The following MUL1 variants were observed in gnomAD, a reference collection of about 807,000 sequenced individuals.
MUL1 encodes mitochondrial ubiquitin ligase activator of NFKB 1.
Under a neutral mutation model 34.1 loss-of-function variants are expected in MUL1, and 30 were observed. That is an observed-to-expected ratio of 0.88 (90% CI 0.66 to 1.19). The LOEUF is 1.19. Among genes scored for constraint, MUL1 ranks in the 50% most tolerant of loss-of-function variants. MUL1 has a pLI of 0.00. For synonymous variants in MUL1, 191 were observed against 187.8 expected, an observed-to-expected ratio of 1.02 and a Z score of -0.14; for missense variants, 419 against 450.5, an observed-to-expected ratio of 0.93 and a Z score of 0.63.
chr1:20,502,324 G>T, intron 2 of MUL1, 135 bp from the exon 3 acceptor site: 1 of 1,171,764 alleles, frequency 8.5e-7, no homozygotes, highest in Non-Finnish European at 1.2e-6. Flanking sequence ...CAAGTCAGAA[G>T]GATCACTTGG....
chr1:20,506,950 G>C (rs566502531), intron 1 of MUL1, among the ~76,000 whole-genome samples: 9 of 152,236 alleles, frequency 5.9e-5, no homozygotes, highest in African/African-American at 1.7e-4. Flanking sequence ...AATGTGGCTG[G>C]GCGCAGTGGC....
In MUL1 at chr1:20,500,878, T is replaced by C. The variant is rs1340388069; in HGVS notation, c.871A>G (p.Lys291Glu). The C allele has an allele frequency of 6.2e-7, 1 of 1,614,028 alleles. No homozygotes were observed. The highest frequency in any genetic ancestry group is 2.2e-5 in the East Asian group (1 of 44,878). The change falls in exon 4 of 4, where the codon AAG (lysine) becomes GAG (glutamate). Residue 291 changes from lysine to glutamate, a missense_variant. Lys to Glu is a moderately conservative substitution (Grantham distance 56). Transcript: ENST00000264198. ...TTCAGACTCTCCCTGTCCTCAGGCT[T>C]GGCTCGGCTCAGCAGCTGGGCCTCA... Reference protein sequence around the residue: ...EHEAQLLSRAKPEDRESLKSA... With the variant: ...EHEAQLLSRAEPEDRESLKSA...
chr1:20,504,082 C>T (rs939650028), intron 1 of MUL1, among the ~76,000 whole-genome samples: 1 of 152,088 alleles, frequency 6.6e-6, no homozygotes, highest in African/African-American at 2.4e-5. Context: ...GTTGCCCAGG[C>T]TGGTGTTGAG....
chr1:20,500,392 T>C lies in MUL1; in HGVS notation c.*298A>G, dbSNP rs115055271. Reference sequence around the variant, plus strand: ...CTGATCACTGGCTTTGGTGCTTAAGTGATGAGGCATTTTCAGTCACACTCG... The same window carrying C: ...CTGATCACTGGCTTTGGTGCTTAAGCGATGAGGCATTTTCAGTCACACTCG... On this transcript the variant is annotated 3_prime_UTR_variant, in exon 4 of 4. Transcript: ENST00000264198. 8.6e-3 allele frequency: 2,292 copies of C among 265,024 alleles called. 49 individuals carry two copies. Among genetic ancestry groups the C allele is most frequent in the African/African-American group, 0.046 (2,095 of 45,860 alleles). The allele number at this position is 265,024 out of a possible 1,614,324, so 16.4% of individuals were successfully genotyped here.
chr1:20,504,673 T>C (rs916828284), intron 1 of MUL1, among the ~76,000 whole-genome samples: 1 of 152,220 alleles, frequency 6.6e-6, no homozygotes, highest in Non-Finnish European at 1.5e-5. Flanking sequence ...TGTTAAACTC[T>C]AGGAGGGCTT....
At chr1:20,503,407 G>A (rs559483447) in intron 1 of MUL1, 98 bp from the exon 2 acceptor site, 64 of 694,182 alleles carry the variant, frequency 9.2e-5, no homozygotes, top group South Asian at 3.0e-4. Context: ...TATTTTTTTC[G>A]TGTCAAGAGA....
intron 2 of MUL1, 121 bp from the exon 3 acceptor site, chr1:20,502,310 A>G: frequency 7.3e-7 from 1 of 1,364,804 alleles, no homozygotes. Flanking sequence ...ACACTTTGGG[A>G]AGCCAAGTCA....
At position 20,505,042 on chromosome 1, in the gene MUL1, G is replaced by T. The variant is rs112790628; in HGVS notation, c.121-1733C>A. ...AGAAAGATCTGGAGTTTAATCTAGC[G>T]CCAATGCATCCACTGTGACTTGGGA... On this transcript the variant is annotated intron_variant, in intron 1 of 3. Transcript: ENST00000264198. Among the ~76,000 whole-genome samples the T allele has an allele frequency of 2.4e-3, 361 of 152,268 alleles. 2 individuals carry two copies. The highest frequency in any genetic ancestry group is 8.1e-3 in the African/African-American group (336 of 41,550).
chr1:20,507,733 G>A (rs900456407), intron 1 of MUL1, among the ~76,000 whole-genome samples, 172 bp downstream of exon 1: 12 of 152,218 alleles, frequency 7.9e-5, no homozygotes, highest in African/African-American at 2.9e-4. Flanking sequence ...CCGTTATCCC[G>A]AGCCCGAATC....
chr1:20,505,064 G>T (rs976489998), intron 1 of MUL1, among the ~76,000 whole-genome samples: 1 of 152,140 alleles, frequency 6.6e-6, no homozygotes, highest in East Asian at 1.9e-4. Context: ...ACTGTGACTT[G>T]GGACAACTTC....
At chr1:20,504,652 C>T (rs2051695455) in intron 1 of MUL1, among the ~76,000 whole-genome samples, 2 of 152,222 alleles carry the variant, frequency 1.3e-5, no homozygotes, top group South Asian at 2.1e-4. Context: ...ATCTGTCTCC[C>T]TCCACTAGAA....
In MUL1 at chr1:20,500,806, G is replaced by C; in HGVS notation, c.943C>G (p.Leu315Val). The C allele has an allele frequency of 6.2e-7, 1 of 1,614,192 alleles. No homozygotes were observed. Among genetic ancestry groups the C allele is most frequent in the South Asian group, 1.1e-5 (1 of 91,074 alleles). ...CAGGAACAAACGTGCCCACACTCCA[G>C]AAAGACGCAGGACTTGAAGCTGCTC... Reference protein sequence around the residue: ...CLSSFKSCVFLECGHVCSCTE... With the variant: ...CLSSFKSCVFVECGHVCSCTE... Residue 315 changes from leucine to valine, a missense_variant, in exon 4 of 4, where the codon CTG becomes GTG. Leu to Val is a conservative substitution (Grantham distance 32). Transcript: ENST00000264198.
rs758270978 is a variant in MUL1, at chr1:20,500,897, G to A, written c.852C>T (p.Ala284=). Residue 284 remains alanine (A), a synonymous_variant, in exon 4 of 4, where the codon GCC becomes GCT. Coordinates refer to ENST00000264198, the MANE Select transcript of MUL1 (RefSeq NM_024544.3). ...QMQEEFQEHE[A]QLLSRAKPED... ...CAGGCTTGGCTCGGCTCAGCAGCTG[G>A]GCCTCATGCTCCTGGAACTCCTCCT... 31 of 1,614,014 alleles carry A rather than the reference G, an allele frequency of 1.9e-5. No homozygotes were observed. The highest frequency in any genetic ancestry group is 2.4e-5 in the Non-Finnish European group (28 of 1,180,006).
Position 20,508,013 on chromosome 1 carries a change from T to G in MUL1, c.12A>C (p.Gly4=). Residue 4 remains glycine (G), a synonymous_variant, in exon 1 of 4, where the codon GGA becomes GGC. Transcript: ENST00000264198. The part of the protein sequence containing the change: MES[G]GRPSLCQFIL... ...TGAACTGGCACAGCGAGGGCCGCCC[T>G]CCGCTCTCCATGACGGCGGCGAGCC... 3.2e-6 allele frequency: 5 copies of G among 1,584,794 alleles called. No individual in the cohort carries two copies. The highest frequency in any genetic ancestry group is 4.3e-6 in the Non-Finnish European group (5 of 1,167,036).
Position 20,508,013 on chromosome 1 carries a change from T to C in MUL1, c.12A>G (p.Gly4=), listed in dbSNP as rs1384069862. 1.3e-6 allele frequency: 2 copies of C among 1,584,676 alleles called. No individual in the cohort carries two copies. The highest frequency in any genetic ancestry group is 1.3e-5 in the African/African-American group (1 of 74,734). The change falls in exon 1 of 4, where the codon GGA becomes GGG. Residue 4 remains glycine, a synonymous_variant. Transcript: ENST00000264198. MES[G]GRPSLCQFIL... ...TGAACTGGCACAGCGAGGGCCGCCC[T>C]CCGCTCTCCATGACGGCGGCGAGCC...
intron 1 of MUL1, among the ~76,000 whole-genome samples, chr1:20,507,456 T>G (rs572517646): frequency 6.6e-6 from 1 of 152,290 alleles, no homozygotes; most frequent in East Asian, 1.9e-4. Flanking sequence ...TTATTTAAGA[T>G]AGGAGATCCC....
Position 20,502,560 on chromosome 1 carries a change from G to A in MUL1, c.209-371C>T, listed in dbSNP as rs112530980. 2.3e-3 allele frequency among the ~76,000 whole-genome samples: 347 copies of A among 152,302 alleles called. 2 individuals carry two copies. Among genetic ancestry groups the A allele is most frequent in the African/African-American group, 7.7e-3 (322 of 41,572 alleles). On this transcript the variant is annotated intron_variant, in intron 2 of 3. Coordinates refer to ENST00000264198, the MANE Select transcript of MUL1 (RefSeq NM_024544.3). Reference sequence around the variant, plus strand: ...GAGCCAAGACTCTATTTGAGACGGAGTCTCACTCTGTTACCCAGGCTGGAG... The same window carrying A: ...GAGCCAAGACTCTATTTGAGACGGAATCTCACTCTGTTACCCAGGCTGGAG...
At chr1:20,504,671 T>C (rs2051695750) in intron 1 of MUL1, among the ~76,000 whole-genome samples, 1 of 152,222 alleles carries the variant, frequency 6.6e-6, no homozygotes, top group African/African-American at 2.4e-5. Context: ...AATGTTAAAC[T>C]CTAGGAGGGC....
Position 20,500,933 on chromosome 1 carries a change from G to A in MUL1, c.816C>T (p.Leu272=), listed in dbSNP as rs2051651550. The change falls in exon 4 of 4, where the codon CTC becomes CTT. Residue 272 remains leucine, a synonymous_variant. Coordinates refer to ENST00000264198, the MANE Select transcript of MUL1 (RefSeq NM_024544.3). ...QYLQRQERLR[L]KQMQEEFQEH... is the part of the protein sequence containing the mutation. Reference sequence around the variant, plus strand: ...CCTGGAACTCCTCCTGCATCTGCTTGAGGCGCAGGCGCTCCTGCCGCTGCA... The same window carrying A: ...CCTGGAACTCCTCCTGCATCTGCTTAAGGCGCAGGCGCTCCTGCCGCTGCA... 1 of 1,614,060 alleles carries A rather than the reference G, an allele frequency of 6.2e-7. No individual in the cohort carries two copies. Among genetic ancestry groups the A allele is most frequent in the South Asian group, 1.1e-5 (1 of 91,084 alleles).
Sources: gnomAD v4.1 joint callset for allele counts (sites outside exome capture counted in the v4.1 genomes callset) on GRCh38, gnomAD v4.1.1 for gene constraint, MANE v1.5 for transcripts, NCBI Gene and HGNC (gene_info 2026-07-23, HGNC 2026-07-21) for gene names.